The following SOX6 variants were observed in gnomAD, a reference collection of about 807,000 sequenced individuals.
SOX6 encodes SRY-box transcription factor 6.
In SOX6, 11 loss-of-function variants were observed where a neutral mutation model predicts 97.8. The observed-to-expected ratio is 0.11, with a 90% CI of 0.07 to 0.19. The LOEUF is 0.19. Ranked by LOEUF, SOX6 falls within the 10% of genes least tolerant of loss-of-function variation. SOX6 has a pLI of 1.00. For missense variants in SOX6, 810 were observed against 1,039.5 expected, an observed-to-expected ratio of 0.78 and a Z score of 3.04; for synonymous variants, 360 against 371.4, an observed-to-expected ratio of 0.97 and a Z score of 0.35.
intron 2 of SOX6, among the ~76,000 whole-genome samples, chr11:16,319,055 C>T (rs939130692): frequency 2.0e-5 from 3 of 152,092 alleles, no homozygotes; most frequent in Non-Finnish European, 4.4e-5. Context: ...CTTTTAGTAT[C>T]AACACTCTTC....
At chr11:16,072,236 A>G (rs1047720127) in intron 9 of SOX6, among the ~76,000 whole-genome samples, 1 of 152,218 alleles carries the variant, frequency 6.6e-6, no homozygotes, top group Non-Finnish European at 1.5e-5. Context: ...ACAAATAGCC[A>G]TTTTAAAAAG....
chr11:16,192,359 T>G (rs1851654891), intron 4 of SOX6, among the ~76,000 whole-genome samples: 1 of 152,214 alleles, frequency 6.6e-6, no homozygotes, highest in African/African-American at 2.4e-5. Context: ...TTAGGGGCCT[T>G]TATTCCAGTG....
At chr11:16,146,641 C>A (rs1213412736) in intron 6 of SOX6, among the ~76,000 whole-genome samples, 2 of 151,976 alleles carry the variant, frequency 1.3e-5, no homozygotes, top group Non-Finnish European at 2.9e-5. Context: ...ACAAAGAACT[C>A]AAACAAATTT....
chr11:16,047,772 G>T (rs1855881736), intron 11 of SOX6, among the ~76,000 whole-genome samples: 1 of 151,570 alleles, frequency 6.6e-6, no homozygotes. Context: ...CAGGACAGAA[G>T]AAATGAGTGT....
intron 4 of SOX6, among the ~76,000 whole-genome samples, chr11:16,494,941 C>A (rs566241066): frequency 9.9e-5 from 15 of 152,156 alleles, no homozygotes; most frequent in Non-Finnish European, 1.9e-4. Context: ...TGCCCCAAGT[C>A]CTAAGCAACT....
At chr11:16,666,851 C>T (rs780979482) in intron 3 of SOX6, among the ~76,000 whole-genome samples, 3 of 151,598 alleles carry the variant, frequency 2.0e-5, no homozygotes, top group Non-Finnish European at 4.4e-5. Flanking sequence ...AATAAGCATG[C>T]CTATGAGATC....
In SOX6 at chr11:16,170,299, T is replaced by C. The variant is rs79925985; in HGVS notation, c.777+13587A>G. On this transcript the variant is annotated intron_variant, in intron 6 of 15. Transcript: ENST00000683767. Reference sequence around the variant, plus strand: ...CATTTCATCTGCTGTGCTTAATACATGAGAGCTCTAACCACTTTTCAAAGT... The same window carrying C: ...CATTTCATCTGCTGTGCTTAATACACGAGAGCTCTAACCACTTTTCAAAGT... Among the ~76,000 whole-genome samples the C allele has an allele frequency of 3.9e-5, 6 of 152,062 alleles. No individual in the cohort carries two copies. In the East Asian group the frequency reaches 1.2e-3, roughly 29 times the overall value.
chr11:16,096,553 A>C (rs2133974549), intron 8 of SOX6, among the ~76,000 whole-genome samples: 1 of 151,934 alleles, frequency 6.6e-6, no homozygotes, highest in East Asian at 1.9e-4. Flanking sequence ...ATCATGACTC[A>C]TGACAAAATT....
At chr11:16,018,938 A>G (rs1360915960) in intron 12 of SOX6, among the ~76,000 whole-genome samples, 1 of 152,162 alleles carries the variant, frequency 6.6e-6, no homozygotes, top group African/African-American at 2.4e-5. Flanking sequence ...GCTAGCAATA[A>G]ATGATATTTA....
At chr11:16,080,071 C>A (rs1307194068) in intron 9 of SOX6, among the ~76,000 whole-genome samples, 1 of 150,382 alleles carries the variant, frequency 6.6e-6, no homozygotes, top group African/African-American at 2.4e-5. Flanking sequence ...CACATGTACC[C>A]TAAAACTTAA....
intron 4 of SOX6, among the ~76,000 whole-genome samples, chr11:16,593,476 T>C (rs548769434): frequency 6.6e-6 from 1 of 151,714 alleles, no homozygotes; most frequent in South Asian, 2.1e-4. Context: ...TTCCTGCTTA[T>C]ATAAACGATG....
rs544171919 is a variant in SOX6 at position 16,103,378 on chromosome 11, C to T, written c.899-5690G>A. 2.8e-4 allele frequency among the ~76,000 whole-genome samples: 42 copies of T among 151,654 alleles called. No homozygotes were observed. The South Asian group carries it at 8.3e-3, about 30-fold the overall frequency. ...AATAAAAAAAAAATAAATAATGATACTGGCGTGGATGTGGTGAAAAGGGAA... is the reference window on the plus strand; with the variant it reads ...AATAAAAAAAAAATAAATAATGATATTGGCGTGGATGTGGTGAAAAGGGAA... On this transcript the variant is annotated intron_variant, in intron 7 of 15. Transcript: ENST00000683767.
At chr11:16,557,358 C>T (rs1847761023) in intron 4 of SOX6, among the ~76,000 whole-genome samples, 1 of 151,846 alleles carries the variant, frequency 6.6e-6, no homozygotes, top group Middle Eastern at 3.2e-3. Context: ...ACACCCTAAA[C>T]TCCCCTCTAG....
chr11:16,510,320 A>G (rs1038606598), intron 4 of SOX6, among the ~76,000 whole-genome samples: 3 of 152,024 alleles, frequency 2.0e-5, no homozygotes, highest in Middle Eastern at 3.2e-3. Context: ...AACTAGTTGG[A>G]GTCAATGGCC....
chr11:16,263,659 TA>T (rs1270073132), intron 3 of SOX6, among the ~76,000 whole-genome samples: 5 of 151,960 alleles, frequency 3.3e-5, no homozygotes. Flanking sequence ...TAATTCATGG[TA>T]ACATAATTCA....
chr11:16,682,189 T>A lies in SOX6; in HGVS notation n.429+32641A>T, dbSNP rs923896218. Among the ~76,000 whole-genome samples, 3 of 152,216 alleles carry A rather than the reference T, an allele frequency of 2.0e-5. No individual in the cohort carries two copies. In the East Asian group the frequency reaches 5.8e-4, roughly 29 times the overall value. On this transcript the variant is annotated intron_variant and non_coding_transcript_variant, in intron 3 of 5. Coordinates refer to the SOX6 transcript ENST00000524520. Reference sequence around the variant, plus strand: ...GAAAATTTTAGGCCAATATCCCTGATGAACATTGGTGTGAAAATCCTCAAT... The same window carrying A: ...GAAAATTTTAGGCCAATATCCCTGAAGAACATTGGTGTGAAAATCCTCAAT...
chr11:16,633,547 T>C (rs1848743296), intron 3 of SOX6, among the ~76,000 whole-genome samples: 1 of 152,144 alleles, frequency 6.6e-6, no homozygotes, highest in South Asian at 2.1e-4. Context: ...AAGCTGTGGG[T>C]GTAAGTGAGT....
At chr11:16,686,654 T>C (rs965226259) in intron 3 of SOX6, among the ~76,000 whole-genome samples, 1 of 152,344 alleles carries the variant, frequency 6.6e-6, no homozygotes, top group South Asian at 2.1e-4. Context: ...TTATAAACTT[T>C]CCCTCATTTT....
rs139246703 is a variant in SOX6 at position 16,446,667 on chromosome 11, T to C, written c.-5+29648A>G. ...TCCATTTTCTCTTCAATAAACATAG[T>C]TATTATAGAAAATGAAAGGAAAATT... On this transcript the variant is annotated intron_variant, in intron 1 of 15. Coordinates refer to the SOX6 transcript ENST00000396356. Among the ~76,000 whole-genome samples, 7 of 152,222 alleles carry C rather than the reference T, an allele frequency of 4.6e-5. No individual in the cohort carries two copies. The East Asian group carries it at 7.7e-4, about 17-fold the overall frequency.
Sources: allele counts gnomAD v4.1 joint callset (sites outside exome capture counted in the v4.1 genomes callset), GRCh38; gene constraint gnomAD v4.1.1; transcripts MANE v1.5; gene names NCBI Gene and HGNC (gene_info 2026-07-23, HGNC 2026-07-21).